The following PPP2R2B variants were observed in gnomAD, a reference collection of about 807,000 sequenced individuals.
PPP2R2B encodes protein phosphatase 2 regulatory subunit Bbeta.
PPP2R2B carries 5 observed loss-of-function variants against 46.0 expected under a neutral mutation model. The observed-to-expected ratio is 0.11, with a 90% CI of 0.06 to 0.23. The LOEUF (loss-of-function observed/expected upper bound fraction) is 0.23, where lower values mean the gene tolerates loss of function less well. PPP2R2B is among the 10% of genes least tolerant of loss of function. The probability of loss-of-function intolerance (pLI) is 1.00; values close to 1 mark genes in which losing one functional copy is unlikely to be tolerated. For missense variants in PPP2R2B, 367 were observed against 575.0 expected (o/e 0.64, Z 3.70); for synonymous variants, 215 against 206.7 (o/e 1.04, Z -0.34).
At chr5:147,007,459 G>A (rs1166789171) in intron 1 of PPP2R2B, among the ~76,000 whole-genome samples, 1 of 152,140 alleles carries the variant, frequency 6.6e-6, no homozygotes, top group East Asian at 1.9e-4. Context: ...CTGTAAAATA[G>A]ACCAATCAGC....
intron 2 of PPP2R2B, among the ~76,000 whole-genome samples, chr5:146,806,220 T>C (rs2151311759): frequency 6.6e-6 from 1 of 152,278 alleles, no homozygotes; most frequent in African/African-American, 2.4e-5. Flanking sequence ...GAGTCAGTGA[T>C]AGGGCTATGA....
intron 7 of PPP2R2B, among the ~76,000 whole-genome samples, chr5:146,636,177 A>T (rs555659015): frequency 2.6e-5 from 4 of 152,142 alleles, no homozygotes; most frequent in Non-Finnish European, 5.9e-5. Context: ...GTCCAGCGAA[A>T]TGCTCTCAAA....
In PPP2R2B at chr5:146,874,898, A is replaced by G. The variant is rs184021163; in HGVS notation, c.70+3104T>C. Among the ~76,000 whole-genome samples the G allele has an allele frequency of 9.8e-5, 15 of 152,288 alleles. No individual in the cohort carries two copies. In the East Asian group the frequency reaches 2.5e-3, roughly 25 times the overall value. ...CAACCCTACCCAAGGCCCTTCCTCTATATAACCCCATACACACACTTCAAA... is the reference window on the plus strand; with the variant it reads ...CAACCCTACCCAAGGCCCTTCCTCTGTATAACCCCATACACACACTTCAAA... On this transcript the variant is annotated intron_variant, in intron 2 of 9. Coordinates refer to ENST00000394411, the MANE Select transcript of PPP2R2B (RefSeq NM_181675.4).
intron 7 of PPP2R2B, among the ~76,000 whole-genome samples, chr5:146,604,082 A>T (rs1772040824): frequency 6.6e-6 from 1 of 152,242 alleles, no homozygotes; most frequent in Non-Finnish European, 1.5e-5. Flanking sequence ...AATAATGAAC[A>T]AGACAGATCC....
chr5:146,934,330 C>T (rs998237023), intron 1 of PPP2R2B, among the ~76,000 whole-genome samples: 119 of 151,448 alleles, frequency 7.9e-4, no homozygotes, highest in Non-Finnish European at 1.4e-3. Flanking sequence ...TCTCCACATC[C>T]TCTCCAGCAC....
At chr5:146,744,891 G>T (rs745944517) in intron 2 of PPP2R2B, among the ~76,000 whole-genome samples, 1 of 152,062 alleles carries the variant, frequency 6.6e-6, no homozygotes, top group Non-Finnish European at 1.5e-5. Flanking sequence ...ATTGCTCAGG[G>T]CCTCTGGGGG....
chr5:146,690,873 A>G (rs778978308), intron 5 of PPP2R2B, among the ~76,000 whole-genome samples: 4 of 152,360 alleles, frequency 2.6e-5, no homozygotes, highest in East Asian at 1.9e-4. Context: ...CTAAGATTAT[A>G]GTAACGTCTG....
intron 6 of PPP2R2B, among the ~76,000 whole-genome samples, chr5:146,647,564 T>G (rs945581612): frequency 6.6e-6 from 1 of 152,230 alleles, no homozygotes; most frequent in African/African-American, 2.4e-5. Context: ...CTCATTTGTA[T>G]GCCAGCATCT....
intron 2 of PPP2R2B, among the ~76,000 whole-genome samples, chr5:146,739,354 G>C (rs971386820): frequency 1.1e-4 from 16 of 152,114 alleles, no homozygotes; most frequent in African/African-American, 3.4e-4. Flanking sequence ...GAGAAATTAG[G>C]GGAAGCATCG....
chr5:146,710,180 T>C (rs2151180438), intron 2 of PPP2R2B, among the ~76,000 whole-genome samples: 1 of 152,346 alleles, frequency 6.6e-6, no homozygotes, highest in East Asian at 1.9e-4. Context: ...AATTTATTCA[T>C]GGTGTTCATT....
intron 1 of PPP2R2B, among the ~76,000 whole-genome samples, chr5:147,007,878 GT>G (rs546323653): frequency 4.8e-4 from 73 of 152,274 alleles, no homozygotes; most frequent in African/African-American, 1.8e-3. Context: ...TTTAAGAACT[GT>G]AACACTCACT....
intron 4 of PPP2R2B, among the ~76,000 whole-genome samples, chr5:146,691,686 A>C (rs1200789250): frequency 6.6e-6 from 1 of 151,984 alleles, no homozygotes; most frequent in East Asian, 1.9e-4. Context: ...CATGTCCTAA[A>C]AGGCCCTTCA....
chr5:147,048,107 G>C (rs370798865), intron 1 of PPP2R2B, among the ~76,000 whole-genome samples: 39 of 152,164 alleles, frequency 2.6e-4, no homozygotes, highest in African/African-American at 9.4e-4. Flanking sequence ...CTCACGCATA[G>C]CCAGGGTTAA....
At chr5:146,633,575 G>T (rs1326876032) in intron 7 of PPP2R2B, among the ~76,000 whole-genome samples, 1 of 152,246 alleles carries the variant, frequency 6.6e-6, no homozygotes, top group Non-Finnish European at 1.5e-5. Flanking sequence ...AATTTCATTT[G>T]CTTCTTAATT....
At chr5:146,900,032 A>C (rs146750073) in intron 1 of PPP2R2B, among the ~76,000 whole-genome samples, 1 of 152,342 alleles carries the variant, frequency 6.6e-6, no homozygotes, top group East Asian at 1.9e-4. Context: ...AAGTTCCATG[A>C]AAGAACAACT....
chr5:147,068,422 A>G (rs970045095), intron 2 of PPP2R2B, among the ~76,000 whole-genome samples: 15 of 152,210 alleles, frequency 9.9e-5, no homozygotes, highest in Admixed American at 7.9e-4. Flanking sequence ...AAGTCTTTCT[A>G]ATGCCCTCAA....
At chr5:147,032,965 C>G (rs1202564969) in intron 1 of PPP2R2B, among the ~76,000 whole-genome samples, 1 of 152,178 alleles carries the variant, frequency 6.6e-6, no homozygotes, top group Non-Finnish European at 1.5e-5. Context: ...AGTGGCTGTA[C>G]TAGTTTACAT....
intron 1 of PPP2R2B, among the ~76,000 whole-genome samples, chr5:146,923,470 C>T (rs778686112): frequency 5.3e-5 from 8 of 152,300 alleles, no homozygotes; most frequent in Non-Finnish European, 8.8e-5. Context: ...TATGAAAACA[C>T]GATAAGATCA....
chr5:146,749,705 TG>T (rs1753429569), intron 2 of PPP2R2B, among the ~76,000 whole-genome samples: 1 of 151,428 alleles, frequency 6.6e-6, no homozygotes, highest in African/African-American at 2.4e-5. Flanking sequence ...TTCACGCCAT[TG>T]TCCTGCCTCA....
Sources: allele counts gnomAD v4.1 joint callset (sites outside exome capture counted in the v4.1 genomes callset), GRCh38; gene constraint gnomAD v4.1.1; transcripts MANE v1.5; gene names NCBI Gene and HGNC (gene_info 2026-07-23, HGNC 2026-07-21).